CD99L2: variants seen among roughly 807,000 people sequenced by gnomAD.
The protein encoded by CD99L2 is CD99 molecule like 2.
In CD99L2, 24 loss-of-function variants were observed where a neutral mutation model predicts 27.3. The observed-to-expected ratio is 0.88, with a 90% CI of 0.64 to 1.24. The LOEUF (loss-of-function observed/expected upper bound fraction) is 1.24. Ranked by LOEUF, CD99L2 falls within the 50% of genes most tolerant of loss-of-function variation. The probability of loss-of-function intolerance (pLI) is 0.00; values close to 1 mark genes in which losing one functional copy is unlikely to be tolerated. For missense variants in CD99L2, 255 were observed against 221.6 expected, an observed-to-expected ratio of 1.15 and a Z score of -0.96; for synonymous variants, 97 against 87.9, an observed-to-expected ratio of 1.10 and a Z score of -0.58.
chrX:150,771,183 G>A (rs1394501417), intron 9 of CD99L2, among the ~76,000 whole-genome samples: 1 of 111,884 alleles, frequency 8.9e-6, no homozygotes, highest in East Asian at 2.8e-4. Flanking sequence ...GGTTCCAACC[G>A]ACCGACCGAC....
At chrX:150,837,664 G>A (rs2046554125) in intron 1 of CD99L2, among the ~76,000 whole-genome samples, 1 of 112,220 alleles carries the variant, frequency 8.9e-6, no homozygotes, top group African/African-American at 3.2e-5. Flanking sequence ...TTTTCAGGAC[G>A]GATATTAGCT....
At chrX:150,873,522 T>C (rs1179997020) in intron 1 of CD99L2, among the ~76,000 whole-genome samples, 1 of 112,169 alleles carries the variant, frequency 8.9e-6, no homozygotes, top group Non-Finnish European at 1.9e-5. Context: ...CTAAATGCCA[T>C]TGAATTGCAC....
At chrX:150,792,381 A>G (rs2045704545) in intron 7 of CD99L2, among the ~76,000 whole-genome samples, 1 of 112,148 alleles carries the variant, frequency 8.9e-6, no homozygotes, top group Non-Finnish European at 1.9e-5. Flanking sequence ...ATCACCCAGA[A>G]GTAATTGGCT....
chrX:150,892,606 A>C (rs1557422888), intron 1 of CD99L2, among the ~76,000 whole-genome samples: 2 of 27,683 alleles, frequency 7.2e-5, no homozygotes, highest in African/African-American at 1.6e-3. Context: ...ACTCTGTCTC[A>C]AAAAAAAAAA....
At chrX:150,874,012 A>G (rs994245376) in intron 1 of CD99L2, among the ~76,000 whole-genome samples, 2 of 112,867 alleles carry the variant, frequency 1.8e-5, no homozygotes, top group Non-Finnish European at 3.7e-5. Flanking sequence ...ATAGGGTTAT[A>G]GAACCAGGAA....
At chrX:150,878,351 G>C (rs1362696268) in intron 1 of CD99L2, among the ~76,000 whole-genome samples, 1 of 108,171 alleles carries the variant, frequency 9.2e-6, no homozygotes, top group Non-Finnish European at 1.9e-5. Context: ...AAAAAAAAAA[G>C]GGAAAGAAAA....
At chrX:150,785,766 C>A (rs1241275007) in intron 7 of CD99L2, among the ~76,000 whole-genome samples, 1 of 111,884 alleles carries the variant, frequency 8.9e-6, no homozygotes, top group Non-Finnish European at 1.9e-5. Flanking sequence ...TTTTCATTAG[C>A]CTCTTTTACT....
chrX:150,831,964 A>G (rs1207288658), intron 1 of CD99L2, among the ~76,000 whole-genome samples: 1 of 112,188 alleles, frequency 8.9e-6, no homozygotes, highest in Non-Finnish European at 1.9e-5. Context: ...GAACACTTCA[A>G]TACCTTACTT....
At chrX:150,796,132 G>C (rs782093635) in intron 4 of CD99L2, among the ~76,000 whole-genome samples, 8 of 112,248 alleles carry the variant, frequency 7.1e-5, no homozygotes, top group African/African-American at 9.7e-5. Context: ...GAAGTTAATA[G>C]AGGGAAAAGA....
At chrX:150,820,790 A>T (rs1015201899) in intron 2 of CD99L2, among the ~76,000 whole-genome samples, 3 of 111,399 alleles carry the variant, frequency 2.7e-5, no homozygotes, top group Admixed American at 9.5e-5. Flanking sequence ...CCACATCAAT[A>T]AAAAAAACTA....
chrX:150,807,335 G>A (rs1473788290), intron 4 of CD99L2, among the ~76,000 whole-genome samples: 1 of 111,559 alleles, frequency 9.0e-6, no homozygotes, highest in Non-Finnish European at 1.9e-5. Context: ...GGATTTTCCA[G>A]GGTTTCTTTG....
rs1161027734 is a variant in CD99L2, at chrX:150,768,846, C to G, written c.*188G>C. 4.2e-6 allele frequency: 4 copies of G among 955,026 alleles called. No individual in the cohort carries two copies. The highest frequency in any genetic ancestry group is 4.1e-5 in the East Asian group (1 of 24,592). 78.7% of individuals were successfully genotyped at this position (955,026 alleles called of 1,213,427 possible). ...TGGCTCTTGAATTTCGGCACCAAGT[C>G]TCAGCACGCTTGGGGCAGGGCAGAG... On this transcript the variant is annotated 3_prime_UTR_variant, in exon 11 of 11. Transcript: ENST00000370377.
intron 1 of CD99L2, among the ~76,000 whole-genome samples, chrX:150,869,822 T>TA (rs1161417715): frequency 3.0e-4 from 33 of 110,147 alleles, no homozygotes; most frequent in African/African-American, 8.9e-4. Flanking sequence ...CAAGTAGTTT[T>TA]AAAAAAAAAC....
In CD99L2 at chrX:150,793,727, C is replaced by G. The variant is rs782447228; in HGVS notation, c.460G>C (p.Val154Leu). 4.2e-6 allele frequency: 5 copies of G among 1,197,592 alleles called. No individual in the cohort carries two copies. Among genetic ancestry groups the G allele is most frequent in the Middle Eastern group, 4.6e-4 (2 of 4,315 alleles). Residue 154 changes from valine to leucine, a missense_variant, in exon 7 of 11, where the codon GTA (valine) becomes CTA (leucine). Val to Leu is a conservative substitution (Grantham distance 32). Transcript: ENST00000370377. ...GFSDKDLEDI[V>L]GGGEYKPDKG... is the part of the protein sequence containing the mutation. ...TCAGGTTTGTATTCTCCACCCCCTA[C>G]TATGTCTTCAAGATCCTTGTCTGAA...
intron 7 of CD99L2, among the ~76,000 whole-genome samples, chrX:150,786,209 G>A (rs1354799498): frequency 3.6e-5 from 4 of 110,767 alleles, no homozygotes; most frequent in African/African-American, 1.3e-4. Flanking sequence ...AAAGAATAAT[G>A]ATTTTGGTTT....
At chrX:150,862,766 A>G (rs1173361435) in intron 1 of CD99L2, among the ~76,000 whole-genome samples, 1 of 110,707 alleles carries the variant, frequency 9.0e-6, no homozygotes, top group Non-Finnish European at 1.9e-5. Flanking sequence ...CCTGCCCCAG[A>G]GAAATGGACA....
At chrX:150,879,791 G>T (rs2047295764) in intron 1 of CD99L2, among the ~76,000 whole-genome samples, 1 of 99,099 alleles carries the variant, frequency 1.0e-5, no homozygotes, top group African/African-American at 3.7e-5. Flanking sequence ...TCGGCATGGT[G>T]GTACACACCT....
chrX:150,889,017 G>A (rs928315289), intron 1 of CD99L2, among the ~76,000 whole-genome samples: 1 of 112,792 alleles, frequency 8.9e-6, no homozygotes, highest in African/African-American at 3.2e-5. Flanking sequence ...GACAGCAACG[G>A]CCTTCAACCT....
Position 150,777,193 on chromosome X carries a change from G to C in CD99L2, c.535+251C>G, listed in dbSNP as rs1207973406. 4 of 412,993 alleles carry C rather than the reference G, an allele frequency of 9.7e-6. No homozygotes were observed. In the East Asian group the frequency reaches 1.2e-4, roughly 13 times the overall value. The allele number at this position is 412,993 out of a possible 1,213,427, so 34.0% of individuals were successfully genotyped here. ...GATCAGCTATCAGTTTGTATTGCCA[G>C]GGTGAAATTCACAGAACTGTTTTAG... On this transcript the variant is annotated intron_variant, in intron 8 of 10. Coordinates refer to ENST00000370377, the MANE Select transcript of CD99L2 (RefSeq NM_031462.4).
Sources: allele counts gnomAD v4.1 joint callset (sites outside exome capture counted in the v4.1 genomes callset), GRCh38; gene constraint gnomAD v4.1.1; transcripts MANE v1.5; gene names NCBI Gene and HGNC (gene_info 2026-07-23, HGNC 2026-07-21).